POU6F2: variants seen among roughly 807,000 people sequenced by gnomAD.
POU6F2 encodes the protein POU domain, class 6, transcription factor 2.
In POU6F2, 31 loss-of-function variants were observed where a neutral mutation model predicts 71.3. That is an observed-to-expected ratio of 0.43 (90% CI 0.33 to 0.59). The LOEUF (loss-of-function observed/expected upper bound fraction) is 0.59, where lower values mean the gene tolerates loss of function less well. Ranked by LOEUF, POU6F2 falls within the 20% of genes least tolerant of loss-of-function variation. POU6F2 has a pLI of 0.04. For missense variants in POU6F2, 783 were observed against 856.8 expected (o/e 0.91, Z 1.07); for synonymous variants, 347 against 355.7 (o/e 0.98, Z 0.27).
chr7:39,456,386 C>T (rs1314450215), intron 8 of POU6F2, among the ~76,000 whole-genome samples: 1 of 152,176 alleles, frequency 6.6e-6, no homozygotes, highest in Non-Finnish European at 1.5e-5. Context: ...CTTATTTCCC[C>T]TTTTCAAGCT....
chr7:39,425,614 G>A (rs894154161), intron 6 of POU6F2, among the ~76,000 whole-genome samples: 6 of 152,282 alleles, frequency 3.9e-5, no homozygotes, highest in East Asian at 1.9e-4. Context: ...AATAGCAGCC[G>A]CTACCTCTCA....
chr7:39,181,466 G>T (rs985759794), intron 2 of POU6F2, among the ~76,000 whole-genome samples: 15 of 152,220 alleles, frequency 9.9e-5, no homozygotes, highest in African/African-American at 3.6e-4. Flanking sequence ...TGCTATCTTT[G>T]TTCCTACCAT....
At chr7:39,409,048 G>A (rs1787495268) in intron 6 of POU6F2, among the ~76,000 whole-genome samples, 1 of 152,174 alleles carries the variant, frequency 6.6e-6, no homozygotes, top group African/African-American at 2.4e-5. Context: ...TGGCACAAAA[G>A]GTAGCAATAC....
chr7:39,220,963 C>A (rs1313901208), intron 4 of POU6F2, among the ~76,000 whole-genome samples: 1 of 151,832 alleles, frequency 6.6e-6, no homozygotes, highest in Non-Finnish European at 1.5e-5. Context: ...TGCAAAATAT[C>A]TCATGAATAT....
At chr7:39,205,859 C>CT in intron 3 of POU6F2, among the ~76,000 whole-genome samples, 1 of 152,216 alleles carries the variant, frequency 6.6e-6, no homozygotes, top group South Asian at 2.1e-4. Flanking sequence ...CAAGTATGGG[C>CT]TTAGCCCTCT....
chr7:39,014,591 G>C (rs904655235), intron 1 of POU6F2, among the ~76,000 whole-genome samples: 5 of 152,100 alleles, frequency 3.3e-5, no homozygotes, highest in Non-Finnish European at 7.3e-5. Context: ...TGAAATATGT[G>C]TGGAATCTTA....
intron 6 of POU6F2, among the ~76,000 whole-genome samples, chr7:39,412,014 C>G (rs1449487706): frequency 6.6e-6 from 1 of 152,178 alleles, no homozygotes; most frequent in East Asian, 1.9e-4. Flanking sequence ...TGTAATAAGA[C>G]AAATAACATC....
At chr7:39,156,853 A>G (rs1449482806) in intron 2 of POU6F2, among the ~76,000 whole-genome samples, 2 of 152,176 alleles carry the variant, frequency 1.3e-5, no homozygotes, top group Non-Finnish European at 2.9e-5. Context: ...CTAGATTTCA[A>G]CCATGCACCA....
chr7:39,375,811 T>A (rs368659912), intron 5 of POU6F2, among the ~76,000 whole-genome samples: 1 of 152,126 alleles, frequency 6.6e-6, no homozygotes, highest in East Asian at 1.9e-4. Flanking sequence ...AGGTTGGCAG[T>A]CAATAGCAGG....
intron 1 of POU6F2, among the ~76,000 whole-genome samples, chr7:39,002,567 G>C (rs1788945277): frequency 6.6e-6 from 1 of 152,138 alleles, no homozygotes; most frequent in African/African-American, 2.4e-5. Flanking sequence ...GGCTGGTCTC[G>C]AATCTGTGGC....
intron 5 of POU6F2, among the ~76,000 whole-genome samples, chr7:39,352,409 C>T (rs1786156154): frequency 6.6e-6 from 1 of 152,132 alleles, no homozygotes; most frequent in African/African-American, 2.4e-5. Flanking sequence ...GCAGCTTCTC[C>T]TAACACCATA....
At chr7:39,290,746 G>C (rs1008283707) in intron 4 of POU6F2, among the ~76,000 whole-genome samples, 4 of 152,084 alleles carry the variant, frequency 2.6e-5, no homozygotes, top group African/African-American at 9.7e-5. Flanking sequence ...ACTTTATGTG[G>C]TGACTACCTG....
chr7:39,300,468 AC>A (rs1375503411), intron 4 of POU6F2, among the ~76,000 whole-genome samples: 1 of 151,900 alleles, frequency 6.6e-6, no homozygotes, highest in East Asian at 1.9e-4. Context: ...GCCAACAGCC[AC>A]CCTCTTCAGC....
intron 1 of POU6F2, among the ~76,000 whole-genome samples, chr7:38,998,578 G>A (rs1205452523): frequency 6.6e-6 from 1 of 151,958 alleles, no homozygotes; most frequent in African/African-American, 2.4e-5. Flanking sequence ...GTATTGACAT[G>A]TTCTGTAAAG....
chr7:39,004,513 G>C (rs1789001888), intron 1 of POU6F2, among the ~76,000 whole-genome samples: 1 of 152,188 alleles, frequency 6.6e-6, no homozygotes, highest in African/African-American at 2.4e-5. Flanking sequence ...TGACTCAATT[G>C]TTTAGGCATC....
chr7:39,015,217 T>C (rs1241929536), intron 1 of POU6F2, among the ~76,000 whole-genome samples: 1 of 146,382 alleles, frequency 6.8e-6, no homozygotes, highest in East Asian at 2.0e-4. Flanking sequence ...GGTCTGATTT[T>C]ATGTATATAT....
chr7:39,218,950 G>T (rs535459028), intron 4 of POU6F2, among the ~76,000 whole-genome samples: 32 of 152,208 alleles, frequency 2.1e-4, no homozygotes, highest in African/African-American at 7.2e-4. Flanking sequence ...CTGAAGCTAG[G>T]GAGGGAAGAG....
At chr7:39,172,403 G>A (rs888424885) in intron 2 of POU6F2, among the ~76,000 whole-genome samples, 1 of 152,010 alleles carries the variant, frequency 6.6e-6, no homozygotes, top group African/African-American at 2.4e-5. Context: ...TGGTCACATA[G>A]TGGCTTATTC....
At chr7:39,400,756 AT>A (rs1276858732) in intron 5 of POU6F2, among the ~76,000 whole-genome samples, 1 of 152,234 alleles carries the variant, frequency 6.6e-6, no homozygotes, top group Non-Finnish European at 1.5e-5. Flanking sequence ...GAAAATTACT[AT>A]ACTTCCAATT....
Sources: allele counts gnomAD v4.1 joint callset (sites outside exome capture counted in the v4.1 genomes callset), GRCh38; gene constraint gnomAD v4.1.1; transcripts MANE v1.5; gene names NCBI Gene and HGNC (gene_info 2026-07-23, HGNC 2026-07-21).